MAGI2: variants seen among roughly 807,000 people sequenced by gnomAD.
MAGI2 encodes the protein membrane associated guanylate kinase, WW and PDZ domain containing 2.
A neutral mutation model predicts 133.3 loss-of-function variants in MAGI2; 35 were observed. That is an observed-to-expected ratio of 0.26 (90% CI 0.20 to 0.35). MAGI2 has a LOEUF of 0.35. Ranked by LOEUF, MAGI2 falls within the 10% of genes least tolerant of loss-of-function variation. The pLI is 1.00. For missense variants in MAGI2, 1,636 were observed against 1,863.4 expected, an observed-to-expected ratio of 0.88 and a Z score of 2.25; for synonymous variants, 729 against 710.6, an observed-to-expected ratio of 1.03 and a Z score of -0.41.
intron 6 of MAGI2, among the ~76,000 whole-genome samples, chr7:78,406,429 T>C (rs1285669917): frequency 2.6e-5 from 4 of 152,082 alleles, no homozygotes; most frequent in Admixed American, 2.6e-4. Flanking sequence ...TGGACAAAAA[T>C]TAATCACATA....
intron 2 of MAGI2, among the ~76,000 whole-genome samples, chr7:78,707,486 C>T (rs1818771966): frequency 6.6e-6 from 1 of 152,088 alleles, no homozygotes; most frequent in African/African-American, 2.4e-5. Context: ...TCACACTTAA[C>T]ACTCATTCTA....
intron 2 of MAGI2, among the ~76,000 whole-genome samples, chr7:78,675,512 T>C (rs1022843594): frequency 3.9e-5 from 6 of 152,158 alleles, no homozygotes; most frequent in South Asian, 2.1e-4. Context: ...TTGGTTTGGA[T>C]TGTTACTGAT....
chr7:78,360,075 TTTA>T (rs1792613778), intron 7 of MAGI2, among the ~76,000 whole-genome samples: 1 of 152,188 alleles, frequency 6.6e-6, no homozygotes, highest in Non-Finnish European at 1.5e-5. Context: ...AGTAATGTAT[TTTA>T]CCCAGTTAGG....
At chr7:79,402,859 G>A (rs766155439) in intron 1 of MAGI2, among the ~76,000 whole-genome samples, 10 of 152,114 alleles carry the variant, frequency 6.6e-5, no homozygotes, top group Non-Finnish European at 1.2e-4. Context: ...CTTTCCATGG[G>A]TAATATTATA....
At chr7:78,211,707 A>G (rs557728594) in intron 10 of MAGI2, among the ~76,000 whole-genome samples, 3 of 152,356 alleles carry the variant, frequency 2.0e-5, no homozygotes, top group African/African-American at 7.2e-5. Context: ...TTCAAATTCT[A>G]TTTCTACAAA....
chr7:78,792,826 A>G (rs1269585761), intron 2 of MAGI2, among the ~76,000 whole-genome samples: 1 of 152,248 alleles, frequency 6.6e-6, no homozygotes, highest in Non-Finnish European at 1.5e-5. Context: ...ATAACAAAGC[A>G]GACTAAATGA....
chr7:79,074,331 T>C (rs547324328), intron 1 of MAGI2, among the ~76,000 whole-genome samples: 11 of 152,298 alleles, frequency 7.2e-5, no homozygotes, highest in Non-Finnish European at 1.0e-4. Context: ...TTTATTCTTC[T>C]TCATAATTGA....
chr7:79,051,787 C>T (rs1208375765), intron 1 of MAGI2, among the ~76,000 whole-genome samples: 1 of 152,090 alleles, frequency 6.6e-6, no homozygotes, highest in Non-Finnish European at 1.5e-5. Context: ...CTTCAAATGT[C>T]AGGAACTTTT....
chr7:78,869,776 G>T lies in MAGI2; in HGVS notation c.418+137314C>A, dbSNP rs1794874177. ...CTATAATCCGATCACCTCCTACTAGGTTCCTCCCTCAACACCTGAGAATTA... is the reference window on the plus strand; with the variant it reads ...CTATAATCCGATCACCTCCTACTAGTTTCCTCCCTCAACACCTGAGAATTA... On this transcript the variant is annotated intron_variant, in intron 2 of 21. Transcript: ENST00000354212. 2.6e-5 allele frequency among the ~76,000 whole-genome samples: 4 copies of T among 152,202 alleles called. No individual in the cohort carries two copies. The South Asian group carries it at 6.2e-4, about 24-fold the overall frequency.
intron 7 of MAGI2, among the ~76,000 whole-genome samples, chr7:78,360,562 GCTAA>G (rs578154980): frequency 9.4e-4 from 143 of 152,356 alleles, no homozygotes; most frequent in African/African-American, 3.2e-3. Context: ...AGCTATATGA[GCTAA>G]CTGTTTCACA....
chr7:78,578,726 T>A (rs6953141), intron 3 of MAGI2, among the ~76,000 whole-genome samples: 122,049 of 152,048 alleles, frequency 0.8, 49,136 homozygotes, highest in East Asian at 0.9. Context: ...TGGATGTGAG[T>A]GTGTTAACAC....
In MAGI2 at chr7:78,019,266, AG is replaced by A. The variant is rs781548615; in HGVS notation, c.*48del. 43 of 1,572,042 alleles carry A rather than the reference AG, an allele frequency of 2.7e-5. No individual in the cohort carries two copies. The highest frequency in any genetic ancestry group is 3.4e-5 in the Non-Finnish European group (40 of 1,167,144). On this transcript the variant is annotated 3_prime_UTR_variant, in exon 22 of 22. Coordinates refer to ENST00000354212, the MANE Select transcript of MAGI2 (RefSeq NM_012301.4). ...TTAAAACGCCGTGAGACGGAACCTA[AG>A]AAGAACTGCCTGCGCCGGGGCGGGC... is the stretch of plus-strand genomic sequence containing the variant.
chr7:78,637,985 G>A (rs1809858713), intron 2 of MAGI2, among the ~76,000 whole-genome samples: 1 of 151,888 alleles, frequency 6.6e-6, no homozygotes, highest in South Asian at 2.1e-4. Flanking sequence ...GATTACTTGA[G>A]CCCAAGAGGT....
intron 1 of MAGI2, among the ~76,000 whole-genome samples, chr7:79,400,511 A>T (rs889015384): frequency 6.6e-6 from 1 of 152,194 alleles, no homozygotes; most frequent in Non-Finnish European, 1.5e-5. Context: ...GATGTACAGA[A>T]CAGCAGCATA....
At chr7:78,782,108 T>C (rs1701400972) in intron 2 of MAGI2, among the ~76,000 whole-genome samples, 1 of 152,158 alleles carries the variant, frequency 6.6e-6, no homozygotes, top group African/African-American at 2.4e-5. Flanking sequence ...TCTAATGAGG[T>C]GAAAAAGTAG....
At position 78,460,212 on chromosome 7, in the gene MAGI2, A is replaced by G. The variant is rs561413851; in HGVS notation, c.1045+29549T>C. Among the ~76,000 whole-genome samples the G allele has an allele frequency of 2.0e-4, 30 of 152,244 alleles. 1 individual carries two copies. The highest frequency in any genetic ancestry group is 3.8e-4 in the Non-Finnish European group (26 of 68,038). The stretch of plus-strand genomic sequence containing the variant: ...CCATCTGAAATTTGGTTGGTTAGCC[A>G]AAAGGTCTGCTGGCAGATCACAGAA... On this transcript the variant is annotated intron_variant, in intron 6 of 21. Coordinates refer to ENST00000354212, the MANE Select transcript of MAGI2 (RefSeq NM_012301.4).
At chr7:78,533,882 A>G (rs1797671590) in intron 3 of MAGI2, among the ~76,000 whole-genome samples, 1 of 152,196 alleles carries the variant, frequency 6.6e-6, no homozygotes. Flanking sequence ...ATCCAGGACA[A>G]TAGACATTTG....
At chr7:78,458,258 T>C (rs1409501663) in intron 6 of MAGI2, among the ~76,000 whole-genome samples, 1 of 141,944 alleles carries the variant, frequency 7.0e-6, no homozygotes, top group African/African-American at 2.6e-5. Flanking sequence ...ATCATGCCAC[T>C]GCACTCCAGC....
chr7:79,365,815 G>C (rs560727311), intron 1 of MAGI2, among the ~76,000 whole-genome samples: 3 of 141,192 alleles, frequency 2.1e-5, no homozygotes, highest in South Asian at 2.3e-4. Flanking sequence ...AGCCAAGATC[G>C]GGCCGCTGCA....
Sources: allele counts gnomAD v4.1 joint callset (sites outside exome capture counted in the v4.1 genomes callset), GRCh38; gene constraint gnomAD v4.1.1; transcripts MANE v1.5; gene names NCBI Gene and HGNC (gene_info 2026-07-23, HGNC 2026-07-21).